The following CDH13 variants were observed in gnomAD, a reference collection of about 807,000 sequenced individuals.
CDH13 encodes cadherin-13.
A neutral mutation model predicts 63.8 loss-of-function variants in CDH13; 24 were observed. The observed-to-expected ratio is 0.38, with a 90% confidence interval of 0.27 to 0.53. CDH13 has a LOEUF of 0.53. Among genes scored for constraint, CDH13 ranks in the 20% least tolerant of loss-of-function variants. The pLI, the probability that CDH13 is intolerant of heterozygous loss-of-function variation, is 0.85. For missense variants in CDH13, 1,049 were observed against 903.1 expected, an observed-to-expected ratio of 1.16 and a Z score of -2.07; for synonymous variants, 503 against 355.3, an observed-to-expected ratio of 1.42 and a Z score of -4.67.
In CDH13 at chr16:82,787,873, T is replaced by A. The variant is rs539453463; in HGVS notation, c.46-70489T>A. Reference sequence around the variant, plus strand: ...GTGTGATCTCAAAAGCCATCATACATCTTTCCGGAGAGTTTGAAAATAATA... The same window carrying A: ...GTGTGATCTCAAAAGCCATCATACAACTTTCCGGAGAGTTTGAAAATAATA... On this transcript the variant is annotated intron_variant, in intron 1 of 13. Coordinates refer to ENST00000567109, the MANE Select transcript of CDH13 (RefSeq NM_001257.5). Among the ~76,000 whole-genome samples the A allele has an allele frequency of 1.5e-4, 22 of 147,152 alleles. No homozygotes were observed. In the South Asian group the frequency reaches 4.6e-3, roughly 31 times the overall value.
At chr16:83,529,018 G>C (rs2075023497) in intron 7 of CDH13, among the ~76,000 whole-genome samples, 1 of 151,786 alleles carries the variant, frequency 6.6e-6, no homozygotes, top group Admixed American at 6.6e-5. Context: ...AGTTTAGGGA[G>C]TATGAAAATC....
chr16:83,139,246 C>T (rs909232004), intron 4 of CDH13, among the ~76,000 whole-genome samples: 1 of 152,216 alleles, frequency 6.6e-6, no homozygotes, highest in Non-Finnish European at 1.5e-5. Context: ...CTTGAGGGAA[C>T]ACCAGCGTGT....
intron 3 of CDH13, among the ~76,000 whole-genome samples, chr16:83,105,362 G>A (rs2034713509): frequency 6.6e-6 from 1 of 152,174 alleles, no homozygotes; most frequent in African/African-American, 2.4e-5. Flanking sequence ...CATCTCCCAT[G>A]GAACCACCAC....
chr16:82,630,807 C>T (rs1395524484), intron 1 of CDH13, among the ~76,000 whole-genome samples: 5 of 152,286 alleles, frequency 3.3e-5, no homozygotes, highest in African/African-American at 1.2e-4. Context: ...ATATCATCTA[C>T]GTAGCCAACA....
chr16:83,498,259 G>A (rs906974100), intron 7 of CDH13, among the ~76,000 whole-genome samples: 45 of 152,254 alleles, frequency 3.0e-4, no homozygotes, highest in African/African-American at 1.0e-3. Flanking sequence ...GAGCCAGATG[G>A]ACTTGTTCAC....
intron 1 of CDH13, among the ~76,000 whole-genome samples, chr16:82,817,169 CG>C (rs2037760048): frequency 2.0e-5 from 3 of 150,954 alleles, no homozygotes; most frequent in South Asian, 4.3e-4. Context: ...TATCACTCTT[CG>C]CCCCCCACTG....
intron 1 of CDH13, among the ~76,000 whole-genome samples, chr16:82,640,191 C>T (rs772626133): frequency 2.0e-5 from 3 of 152,160 alleles, no homozygotes; most frequent in Non-Finnish European, 4.4e-5. Context: ...TGAGCTTGTC[C>T]ACCACACCCT....
At chr16:83,389,245 CT>C (rs1230723115) in intron 6 of CDH13, among the ~76,000 whole-genome samples, 1 of 152,102 alleles carries the variant, frequency 6.6e-6, no homozygotes, top group Non-Finnish European at 1.5e-5. Flanking sequence ...AAATATAAAA[CT>C]ATAAAATTGC....
chr16:82,644,966 T>A lies in CDH13; in HGVS notation c.45+17829T>A, dbSNP rs936378438. Among the ~76,000 whole-genome samples the A allele has an allele frequency of 8.6e-5, 13 of 152,040 alleles. No homozygotes were observed. On this transcript the variant is annotated intron_variant, in intron 1 of 13. Transcript: ENST00000567109. This position sits in a 1 kb window ranked among gnomAD's most constrained non-coding sequence, Gnocchi z 5.7. ...ACTAATATTTTGGAAAACTCTGGAG[T>A]TAGAGAAGTGGACCAGATTGGGTTT...
intron 2 of CDH13, among the ~76,000 whole-genome samples, chr16:82,988,095 C>T (rs1250179205): frequency 6.6e-6 from 1 of 152,172 alleles, no homozygotes; most frequent in Non-Finnish European, 1.5e-5. Context: ...CCTCCTTCCT[C>T]AATCATTGAA....
At chr16:83,593,873 C>G (rs527428062) in intron 7 of CDH13, among the ~76,000 whole-genome samples, 17 of 152,130 alleles carry the variant, frequency 1.1e-4, no homozygotes, top group Non-Finnish European at 1.5e-4. Context: ...ACATTATAGA[C>G]TGTGGTAGTG....
chr16:83,390,915 T>A (rs977959918), intron 6 of CDH13, among the ~76,000 whole-genome samples: 3 of 152,228 alleles, frequency 2.0e-5, no homozygotes, highest in Non-Finnish European at 4.4e-5. Flanking sequence ...ACCTCTTTGA[T>A]GTCAGGCTCA....
intron 8 of CDH13, among the ~76,000 whole-genome samples, chr16:83,669,549 C>T (rs751741006): frequency 1.3e-5 from 2 of 152,132 alleles, no homozygotes; most frequent in African/African-American, 2.4e-5. Flanking sequence ...TTTCTAGCCT[C>T]CATGCATGTT....
intron 6 of CDH13, among the ~76,000 whole-genome samples, chr16:83,418,939 T>C (rs2071631817): frequency 6.6e-6 from 1 of 152,154 alleles, no homozygotes. Context: ...GCTTCTCTTC[T>C]GATAGGGAAT....
intron 2 of CDH13, among the ~76,000 whole-genome samples, chr16:82,966,979 G>C (rs1173699485): frequency 6.6e-5 from 10 of 152,110 alleles, no homozygotes; most frequent in Admixed American, 6.5e-4. Flanking sequence ...TTTTGGCCCA[G>C]GATCTAATCC....
intron 5 of CDH13, among the ~76,000 whole-genome samples, chr16:83,239,719 C>T (rs1045695522): frequency 1.3e-5 from 2 of 152,192 alleles, no homozygotes; most frequent in East Asian, 1.9e-4. Flanking sequence ...TTGGCTCTTA[C>T]TACCTATCAA....
chr16:83,568,478 G>A (rs772571341), intron 7 of CDH13, among the ~76,000 whole-genome samples: 2 of 152,166 alleles, frequency 1.3e-5, no homozygotes, highest in African/African-American at 4.8e-5. Context: ...CTGAGTTATT[G>A]ATGAATCATT....
chr16:83,245,722 T>G (rs1376460784), intron 5 of CDH13, among the ~76,000 whole-genome samples: 1 of 152,166 alleles, frequency 6.6e-6, no homozygotes, highest in Non-Finnish European at 1.5e-5. Flanking sequence ...CTTAGTCAAT[T>G]TTTTTCCTTT....
chr16:83,747,576 C>G (rs1219247856), intron 10 of CDH13, among the ~76,000 whole-genome samples: 1 of 149,300 alleles, frequency 6.7e-6, no homozygotes, highest in Non-Finnish European at 1.5e-5. Flanking sequence ...TTCTCTCTTC[C>G]TGGTTTGTCT....
Sources: gnomAD v4.1 joint callset for allele counts (sites outside exome capture counted in the v4.1 genomes callset) on GRCh38, gnomAD v4.1.1 for gene constraint, Gnocchi (gnomAD v3.1) non-coding constraint, MANE v1.5 for transcripts, NCBI Gene and HGNC (gene_info 2026-07-23, HGNC 2026-07-21) for gene names.